The following DACH1 variants were observed in gnomAD, a reference collection of about 807,000 sequenced individuals.
The protein encoded by DACH1 is dachshund family transcription factor 1.
In DACH1, 12 loss-of-function variants were observed where a neutral mutation model predicts 54.2. That is an observed-to-expected ratio of 0.22 (90% CI 0.14 to 0.36). DACH1 has a LOEUF of 0.36. Ranked by LOEUF, DACH1 falls within the 10% of genes least tolerant of loss-of-function variation. The probability of loss-of-function intolerance (pLI) is 1.00; values close to 1 mark genes in which losing one functional copy is unlikely to be tolerated. For synonymous variants in DACH1, 386 were observed against 366.2 expected (o/e 1.05, Z -0.62); for missense variants, 805 against 929.8 (o/e 0.87, Z 1.75).
chr13:71,529,730 A>G (rs1157711547), intron 6 of DACH1, among the ~76,000 whole-genome samples: 1 of 152,214 alleles, frequency 6.6e-6, no homozygotes, highest in African/African-American at 2.4e-5. Context: ...ACAACTCACC[A>G]TCCTTAAACC....
At chr13:71,489,800 T>C (rs915192518) in intron 6 of DACH1, among the ~76,000 whole-genome samples, 1 of 152,036 alleles carries the variant, frequency 6.6e-6, no homozygotes, top group Non-Finnish European at 1.5e-5. Flanking sequence ...CTTCCATACA[T>C]AAAAAACGGT....
chr13:71,449,304 C>A (rs1874786263), intron 10 of DACH1, among the ~76,000 whole-genome samples: 1 of 151,162 alleles, frequency 6.6e-6, no homozygotes, highest in Non-Finnish European at 1.5e-5. Flanking sequence ...CCAGCCTGGG[C>A]AACAGAGTGA....
intron 1 of DACH1, among the ~76,000 whole-genome samples, chr13:71,747,657 G>A (rs764822093): frequency 6.6e-6 from 1 of 152,124 alleles, no homozygotes; most frequent in Non-Finnish European, 1.5e-5. Flanking sequence ...TCCATACAAG[G>A]ATGCTCTAGG....
intron 10 of DACH1, among the ~76,000 whole-genome samples, chr13:71,471,509 C>T (rs1228073259): frequency 6.6e-6 from 1 of 151,838 alleles, no homozygotes; most frequent in East Asian, 1.9e-4. Flanking sequence ...GCTTGTAATC[C>T]CAGCACTTTG....
At chr13:71,522,061 T>C (rs1041809439) in intron 6 of DACH1, among the ~76,000 whole-genome samples, 6 of 152,134 alleles carry the variant, frequency 3.9e-5, no homozygotes, top group African/African-American at 1.4e-4. Context: ...TGTTCTACTC[T>C]GTTTGTGGAA....
At chr13:71,540,501 A>G (rs1249594318) in intron 6 of DACH1, among the ~76,000 whole-genome samples, 1 of 152,084 alleles carries the variant, frequency 6.6e-6, no homozygotes, top group Non-Finnish European at 1.5e-5. Context: ...AAGTAAATAT[A>G]ATTACAAATG....
At chr13:71,837,878 A>G (rs1349045843) in intron 1 of DACH1, among the ~76,000 whole-genome samples, 2 of 150,646 alleles carry the variant, frequency 1.3e-5, no homozygotes, top group East Asian at 2.0e-4. Context: ...ATTGGAAACC[A>G]TCATTCTCAG....
chr13:71,787,512 C>G (rs963255917), intron 1 of DACH1, among the ~76,000 whole-genome samples: 1 of 152,186 alleles, frequency 6.6e-6, no homozygotes. Context: ...AAGTTATGAG[C>G]CTTCGCAAAT....
chr13:71,866,337 T>C lies in DACH1; in HGVS notation c.433A>G (p.Ser145Gly), dbSNP rs1874771653. Residue 145 changes from serine (S) to glycine (G), a missense_variant, in exon 1 of 11, where the codon AGT (serine) becomes GGT (glycine). Around this residue, in one of 3 missense-constraint regions of DACH1, gnomAD observed 305 missense variants for 308.7 expected, o/e 0.99. Coordinates refer to ENST00000613252, the MANE Select transcript of DACH1 (RefSeq NM_080759.6). ...NASTGSSSSS[S>G]SSSSSSSSSS... ...CTGCTGCTGCTGCTGCTGCTGCTACTGCTGCTGCTGCTGCTGCCGGTGCTG... is the reference window on the plus strand; with the variant it reads ...CTGCTGCTGCTGCTGCTGCTGCTACCGCTGCTGCTGCTGCTGCCGGTGCTG... 6.5e-6 allele frequency: 9 copies of C among 1,387,276 alleles called. No individual in the cohort carries two copies. The highest frequency in any genetic ancestry group is 7.8e-6 in the Non-Finnish European group (8 of 1,027,664). The allele number at this position is 1,387,276 out of a possible 1,614,324, so 85.9% of individuals were successfully genotyped here.
At chr13:71,761,611 C>T (rs1002110239) in intron 1 of DACH1, among the ~76,000 whole-genome samples, 9 of 152,034 alleles carry the variant, frequency 5.9e-5, no homozygotes, top group Admixed American at 2.0e-4. Flanking sequence ...CATCAATGTG[C>T]GTACACATCA....
At chr13:71,832,266 G>A (rs191871571) in intron 1 of DACH1, among the ~76,000 whole-genome samples, 1 of 151,976 alleles carries the variant, frequency 6.6e-6, no homozygotes, top group East Asian at 1.9e-4. Context: ...TCTTCAAAAT[G>A]TATAACATTG....
intron 1 of DACH1, among the ~76,000 whole-genome samples, chr13:71,757,655 C>T (rs1387378320): frequency 6.6e-6 from 1 of 151,524 alleles, no homozygotes; most frequent in Non-Finnish European, 1.5e-5. Context: ...TCCTGAGTAG[C>T]TGGGATTACA....
intron 3 of DACH1, among the ~76,000 whole-genome samples, chr13:71,608,488 A>G (rs1014162228): frequency 2.0e-5 from 3 of 152,076 alleles, no homozygotes; most frequent in Non-Finnish European, 4.4e-5. Flanking sequence ...TTCACTCTAT[A>G]TTAGACTTTT....
intron 7 of DACH1, among the ~76,000 whole-genome samples, chr13:71,483,204 G>GA (rs1878201344): frequency 6.6e-6 from 1 of 151,842 alleles, no homozygotes; most frequent in East Asian, 1.9e-4. Flanking sequence ...CAGGAACAAA[G>GA]AAGAGAAGAC....
At chr13:71,764,431 A>T (rs1483983023) in intron 1 of DACH1, among the ~76,000 whole-genome samples, 1 of 152,160 alleles carries the variant, frequency 6.6e-6, no homozygotes, top group Non-Finnish European at 1.5e-5. Context: ...GGATAAAAAA[A>T]TTGTAAAAGA....
intron 3 of DACH1, among the ~76,000 whole-genome samples, chr13:71,603,150 T>C (rs989117704): frequency 6.6e-6 from 1 of 152,004 alleles, no homozygotes; most frequent in African/African-American, 2.4e-5. Context: ...CAATCGTTGC[T>C]TTTTTGTTTG....
chr13:71,573,520 C>T (rs1461171729), intron 3 of DACH1: 1 of 678,992 alleles, frequency 1.5e-6, no homozygotes, highest in Non-Finnish European at 2.7e-6. Flanking sequence ...GCCTGAGGTC[C>T]CTGGGATGGG....
Position 71,572,872 on chromosome 13 carries a change from G to C in DACH1, c.1267C>G (p.Pro423Ala). Reference sequence around the variant, plus strand: ...ACTGATGTCTCAACTCTGGATGGGGGACTCTGAACTTGTGCTGCTGCTGCC... The same window carrying C: ...ACTGATGTCTCAACTCTGGATGGGGCACTCTGAACTTGTGCTGCTGCTGCC... ...NMAAAAQVQS[P>A]PSRVETSVIK... is the part of the protein sequence containing the mutation. Residue 423 changes from proline (P) to alanine (A), a missense_variant, in exon 4 of 11, where the codon CCC becomes GCC. Physicochemically the swap from Pro to Ala is conservative, Grantham distance 27. Coordinates refer to ENST00000613252, the MANE Select transcript of DACH1 (RefSeq NM_080759.6). 6.2e-7 allele frequency: 1 copy of C among 1,613,766 alleles called. No individual in the cohort carries two copies. The highest frequency in any genetic ancestry group is 8.5e-7 in the Non-Finnish European group (1 of 1,179,816).
chr13:71,574,123 C>T (rs1466986756), intron 3 of DACH1, among the ~76,000 whole-genome samples: 1 of 152,070 alleles, frequency 6.6e-6, no homozygotes, highest in African/African-American at 2.4e-5. Flanking sequence ...AAATACATCA[C>T]TTGTTTTCAA....
Sources: gnomAD v4.1 joint callset for allele counts (sites outside exome capture counted in the v4.1 genomes callset) on GRCh38, gnomAD v4.1.1 for gene constraint, gnomAD v4.1.1 regional missense constraint, MANE v1.5 for transcripts, NCBI Gene and HGNC (gene_info 2026-07-23, HGNC 2026-07-21) for gene names.